Variants in CARMIL1 observed in about 807,000 individuals in gnomAD.
CARMIL1 encodes capping protein regulator and myosin 1 linker 1.
Under a neutral mutation model 177.1 loss-of-function variants are expected in CARMIL1, and 90 were observed. The ratio of observed to expected loss-of-function variants is 0.51; its 90% CI spans 0.43 to 0.61. The LOEUF (loss-of-function observed/expected upper bound fraction) is 0.61, where lower values mean the gene tolerates loss of function less well. Ranked by LOEUF, CARMIL1 falls within the 20% of genes least tolerant of loss-of-function variation. The pLI is 0.00. For missense variants in CARMIL1, 1,380 were observed against 1,667.0 expected (o/e 0.83, Z 3.00); for synonymous variants, 577 against 606.2 (o/e 0.95, Z 0.71).
chr6:25,500,060 C>A, intron 16 of CARMIL1, 106 bp from the exon 17 acceptor site: 1 of 948,958 alleles, frequency 1.1e-6, no homozygotes, highest in South Asian at 1.5e-5. Flanking sequence ...ACCTGTGATT[C>A]AGAAAAGGCA....
At chr6:25,517,798 G>A (rs1199703034) in intron 22 of CARMIL1, among the ~76,000 whole-genome samples, 3 of 152,194 alleles carry the variant, frequency 2.0e-5, no homozygotes, top group Non-Finnish European at 4.4e-5. Context: ...ATTCACTGGT[G>A]AGAAGAAAGC....
chr6:25,596,534 C>T (rs926685004), intron 32 of CARMIL1, among the ~76,000 whole-genome samples: 1 of 152,114 alleles, frequency 6.6e-6, no homozygotes, highest in Admixed American at 6.5e-5. Context: ...GTCTTAATAG[C>T]ATGCTTTCTT....
intron 2 of CARMIL1, among the ~76,000 whole-genome samples, chr6:25,329,288 C>G (rs150355271): frequency 6.0e-4 from 91 of 152,286 alleles, no homozygotes; most frequent in African/African-American, 2.1e-3. Flanking sequence ...ATCGGAAGAG[C>G]TGGGTTGTGA....
chr6:25,542,474 C>T (rs1304079262), intron 26 of CARMIL1, among the ~76,000 whole-genome samples: 1 of 152,162 alleles, frequency 6.6e-6, no homozygotes, highest in African/African-American at 2.4e-5. Context: ...ATCATCGCCT[C>T]CTTATTTGCA....
chr6:25,387,817 C>T (rs914253752), intron 2 of CARMIL1, among the ~76,000 whole-genome samples: 3 of 152,148 alleles, frequency 2.0e-5, no homozygotes, highest in Non-Finnish European at 4.4e-5. Context: ...ACTGAGGCCT[C>T]AGGGAAAGCA....
intron 5 of CARMIL1, among the ~76,000 whole-genome samples, chr6:25,443,191 T>C (rs548996410): frequency 6.6e-6 from 1 of 152,344 alleles, no homozygotes; most frequent in African/African-American, 2.4e-5. Flanking sequence ...GAATAATGGC[T>C]GTGCCTACTT....
chr6:25,469,401 T>A (rs1462497822), intron 9 of CARMIL1, among the ~76,000 whole-genome samples: 1 of 152,210 alleles, frequency 6.6e-6, no homozygotes, highest in Non-Finnish European at 1.5e-5. Flanking sequence ...ATGTGCTATT[T>A]TAAGAAAAGA....
At chr6:25,510,475 T>G in intron 18 of CARMIL1, 32 bp from the exon 19 acceptor site, 1 of 1,269,818 alleles carries the variant, frequency 7.9e-7, no homozygotes, top group Non-Finnish European at 1.1e-6. Context: ...ACACATGTGT[T>G]TTGATGTTCT....
intron 8 of CARMIL1, among the ~76,000 whole-genome samples, chr6:25,460,403 A>C (rs1800021541): frequency 6.6e-6 from 1 of 152,142 alleles, no homozygotes; most frequent in African/African-American, 2.4e-5. Context: ...TATTATATGC[A>C]AACTTGTTTG....
At chr6:25,396,655 C>T (rs368967633) in intron 2 of CARMIL1, among the ~76,000 whole-genome samples, 1 of 152,156 alleles carries the variant, frequency 6.6e-6, no homozygotes, top group Non-Finnish European at 1.5e-5. Context: ...GGCCACCATG[C>T]CTGGCCGTTT....
chr6:25,382,671 C>T (rs566678881), intron 2 of CARMIL1, among the ~76,000 whole-genome samples: 1 of 152,206 alleles, frequency 6.6e-6, no homozygotes, highest in East Asian at 1.9e-4. Flanking sequence ...TTACAGAGTG[C>T]TGATTGGTGC....
chr6:25,482,237 G>A lies in CARMIL1; in HGVS notation c.875-20G>A, dbSNP rs1003036867. 21 of 1,303,456 alleles carry A rather than the reference G, an allele frequency of 1.6e-5. No homozygotes were observed. The highest frequency in any genetic ancestry group is 2.0e-5 in the Non-Finnish European group (18 of 921,606). 80.7% of individuals were successfully genotyped at this position (1,303,456 alleles called of 1,614,324 possible). A position where few individuals can be genotyped will look rare whatever the true frequency, so the allele number is the denominator to read the frequency against. On this transcript the variant is annotated intron_variant, in intron 11 of 36. Transcript: ENST00000329474. ...TTCTGAGAACTTGAAAATTCTAATC[G>A]CTTCTTTTTCCTTTCTCAGGTGTGT... is the stretch of plus-strand genomic sequence containing the variant.
chr6:25,585,547 A>C (rs115923672), intron 31 of CARMIL1, among the ~76,000 whole-genome samples: 1 of 152,036 alleles, frequency 6.6e-6, no homozygotes, highest in Non-Finnish European at 1.5e-5. Flanking sequence ...TTTTTTATTT[A>C]TTTTTTATTT....
intron 2 of CARMIL1, among the ~76,000 whole-genome samples, chr6:25,340,561 T>C (rs928310349): frequency 2.6e-5 from 4 of 152,146 alleles, no homozygotes; most frequent in Non-Finnish European, 5.9e-5. Flanking sequence ...GGCCAATTCA[T>C]GTAGCTTTGT....
intron 2 of CARMIL1, among the ~76,000 whole-genome samples, chr6:25,405,294 G>A (rs565979866): frequency 6.6e-6 from 1 of 152,300 alleles, no homozygotes; most frequent in East Asian, 1.9e-4. Context: ...TAGAAGATGG[G>A]CTGCCTTATG....
chr6:25,285,745 A>G (rs946182160), intron 2 of CARMIL1, among the ~76,000 whole-genome samples: 5 of 151,568 alleles, frequency 3.3e-5, no homozygotes, highest in African/African-American at 1.2e-4. Context: ...AGCTTCAACC[A>G]TTTTCAGCAT....
chr6:25,374,969 A>G (rs1274380394), intron 2 of CARMIL1, among the ~76,000 whole-genome samples: 1 of 152,178 alleles, frequency 6.6e-6, no homozygotes, highest in Non-Finnish European at 1.5e-5. Flanking sequence ...CTTTTTATCC[A>G]TTCTGCCAAA....
chr6:25,584,229 G>A (rs1042853944), intron 31 of CARMIL1, among the ~76,000 whole-genome samples: 6 of 149,844 alleles, frequency 4.0e-5, no homozygotes, highest in African/African-American at 1.5e-4. Context: ...TTGTAGAGAT[G>A]GGCTCTTGGT....
At chr6:25,476,338 G>A (rs1011578814) in intron 11 of CARMIL1, among the ~76,000 whole-genome samples, 1 of 152,104 alleles carries the variant, frequency 6.6e-6, no homozygotes, top group Non-Finnish European at 1.5e-5. Flanking sequence ...CAAGTCTGTT[G>A]TGTGGTTTCT....
Sources: gnomAD v4.1 joint callset for allele counts (sites outside exome capture counted in the v4.1 genomes callset) on GRCh38, gnomAD v4.1.1 for gene constraint, MANE v1.5 for transcripts, NCBI Gene and HGNC (gene_info 2026-07-23, HGNC 2026-07-21) for gene names.